The following CTU2 variants were observed in gnomAD, a reference collection of about 807,000 sequenced individuals.
CTU2 encodes cytosolic thiouridylase subunit 2.
A neutral mutation model predicts 64.1 loss-of-function variants in CTU2; 80 were observed. That is an observed-to-expected ratio of 1.25 (90% CI 1.04 to 1.50). The LOEUF is 1.50. CTU2 is among the 40% of genes most tolerant of loss of function. The pLI is 0.00. For missense variants in CTU2, 1,110 were observed against 690.2 expected (o/e 1.61, Z -6.81); for synonymous variants, 482 against 285.3 (o/e 1.69, Z -6.95).
At position 88,714,946 on chromosome 16, in the gene CTU2, T is replaced by C; in HGVS notation, c.1419+20T>C. Reference sequence around the variant, plus strand: ...GACTTGGTGAGTACGTGCCCACCTGTCCTGGGCCGGGCTTGGGGACGCGGG... The same window carrying C: ...GACTTGGTGAGTACGTGCCCACCTGCCCTGGGCCGGGCTTGGGGACGCGGG... On this transcript the variant is annotated intron_variant, in intron 13 of 14. Transcript: ENST00000453996. 6.2e-7 allele frequency: 1 copy of C among 1,610,998 alleles called. No individual in the cohort carries two copies. Among genetic ancestry groups the C allele is most frequent in the Non-Finnish European group, 8.5e-7 (1 of 1,178,860 alleles).
rs760149102 is a variant in CTU2, at chr16:88,712,040, C to T, written c.344-234C>T. 32 of 666,690 alleles carry T rather than the reference C, an allele frequency of 4.8e-5. No homozygotes were observed. In the African/African-American group the frequency reaches 5.2e-4, roughly 11 times the overall value. 41.3% of individuals were successfully genotyped at this position (666,690 alleles called of 1,614,324 possible). A position where few individuals can be genotyped will look rare whatever the true frequency, so the allele number is the denominator to read the frequency against. ...GTGAGCGGGGGCCCAGGGGCCGACT[C>T]CCCGACCCTTGCTCCTGCAGAACGA... On this transcript the variant is annotated intron_variant, in intron 5 of 14. Transcript: ENST00000453996.
Position 88,715,297 on chromosome 16 carries a change from A to G in CTU2, c.*46A>G. 6.3e-7 allele frequency: 1 copy of G among 1,590,800 alleles called. No individual in the cohort carries two copies. Among genetic ancestry groups the G allele is most frequent in the South Asian group, 1.1e-5 (1 of 89,922 alleles). ...GGACAGCAGGCAGTGGCCACCTGGT[A>G]CACCACACTGGAGCCGGAAGGCAAG... is the stretch of plus-strand genomic sequence containing the variant. On this transcript the variant is annotated 3_prime_UTR_variant, in exon 15 of 15. Coordinates refer to ENST00000453996, the MANE Select transcript of CTU2 (RefSeq NM_001012759.3).
At chr16:88,706,651 T>C in intron 1 of CTU2, 53 bp downstream of exon 1, 1 of 1,287,366 alleles carries the variant, frequency 7.8e-7, no homozygotes. Flanking sequence ...CCCGCCGCAC[T>C]CCTGCCCCGA....
At chr16:88,710,415 G>T in intron 4 of CTU2, 133 bp downstream of exon 4, 1 of 860,358 alleles carries the variant, frequency 1.2e-6, no homozygotes, top group Non-Finnish European at 1.8e-6. Flanking sequence ...ACACTTGGGG[G>T]GTTCTCAGAT....
chr16:88,710,181 G>T lies in CTU2; in HGVS notation c.223-42G>T, dbSNP rs527527613. On this transcript the variant is annotated intron_variant, in intron 3 of 14. Coordinates refer to ENST00000453996, the MANE Select transcript of CTU2 (RefSeq NM_001012759.3). ...TCCACGAGGTGGGGTGTCTGCCTGTGTTGGAGGTGCGGTGCCCTGAGTGAT... is the reference window on the plus strand; with the variant it reads ...TCCACGAGGTGGGGTGTCTGCCTGTTTTGGAGGTGCGGTGCCCTGAGTGAT... 4.9e-5 allele frequency: 79 copies of T among 1,612,208 alleles called. 1 individual carries two copies. In the South Asian group the frequency reaches 7.9e-4, roughly 16 times the overall value.
At chr16:88,713,235 G>T in intron 7 of CTU2, 77 bp from the exon 8 acceptor site, 1 of 810,402 alleles carries the variant, frequency 1.2e-6, no homozygotes, top group Middle Eastern at 3.9e-4. Context: ...CCCGGGCCCT[G>T]ACCCCCACTC....
rs745811284 is a variant in CTU2, at chr16:88,714,514, GC to G, written c.1201+29del. The G allele has an allele frequency of 1.9e-6, 3 of 1,612,400 alleles. No individual in the cohort carries two copies. In the East Asian group the frequency reaches 6.7e-5, roughly 36 times the overall value. Reference sequence around the variant, plus strand: ...CTGTGTTTCATGCTCTTGGGGTGATGCGGGGAGGGAGCCAGGGAGTGGGTGT... The same window carrying G: ...CTGTGTTTCATGCTCTTGGGGTGATGGGGGAGGGAGCCAGGGAGTGGGTGT... On this transcript the variant is annotated intron_variant, in intron 11 of 14. Transcript: ENST00000453996.
chr16:88,714,995 T>G (rs1245226222), intron 13 of CTU2, 53 bp from the exon 14 acceptor site: 3 of 1,596,766 alleles, frequency 1.9e-6, no homozygotes, highest in South Asian at 2.2e-5. Context: ...CGTGGGTGGC[T>G]TGAGGGGGTG....
chr16:88,714,320 C>T (rs1319553011), intron 10 of CTU2, 63 bp from the exon 11 acceptor site: 23 of 1,601,648 alleles, frequency 1.4e-5, no homozygotes, highest in East Asian at 1.1e-4. Flanking sequence ...GTGCTCAGGC[C>T]AGGGCTTAGG....
At chr16:88,713,911 C>T (rs1268164683) in intron 9 of CTU2, 133 bp downstream of exon 9, 1 of 1,307,396 alleles carries the variant, frequency 7.6e-7, no homozygotes, top group Non-Finnish European at 1.1e-6. Context: ...AGCAGTGCTG[C>T]ATCCTCTGAG....
rs1479585672 is a variant in CTU2 at position 88,714,604 on chromosome 16, G to A, written c.1219G>A (p.Gly407Arg). The change falls in exon 12 of 15, where the codon GGG becomes AGG. Residue 407 changes from glycine to arginine, a missense_variant. Gly to Arg is a moderately radical substitution (Grantham distance 125). Transcript: ENST00000453996. ...VDAADSATAF[G>R]AQTSSRLSQM... ...GCTTGCAGACAGTGCCACGGCTTTT[G>A]GGGCTCAGACCTCCTCGCGTCTCTC... The A allele has an allele frequency of 1.2e-6, 2 of 1,612,610 alleles. No individual in the cohort carries two copies. The highest frequency in any genetic ancestry group is 1.1e-5 in the South Asian group (1 of 91,088).
Position 88,710,297 on chromosome 16 carries a change from C to T in CTU2, c.282+15C>T, listed in dbSNP as rs1038263056. The T allele has an allele frequency of 1.2e-5, 19 of 1,613,610 alleles. No homozygotes were observed. In the Admixed American group the frequency reaches 2.0e-4, roughly 17 times the overall value. ...AGGTTCTTGAGGTGCGTGTTCACCA[C>T]CCCGTGGGCCCGGGCTGCTGGGCTG... On this transcript the variant is annotated intron_variant, in intron 4 of 14. Transcript: ENST00000453996.
At chr16:88,709,665 G>C (rs562324091) in intron 2 of CTU2, 31 of 480,272 alleles carry the variant, frequency 6.5e-5, no homozygotes, top group Middle Eastern at 1.1e-3. Flanking sequence ...GGGTGCCGGG[G>C]CTCTGCCCTC....
rs775843619 is a variant in CTU2, at chr16:88,712,841, C to T, written c.673C>T (p.Leu225Phe). Reference protein sequence around the residue: ...RPPAPAQTEALSQLFCSVRTL... With the variant: ...RPPAPAQTEAFSQLFCSVRTL... The stretch of plus-strand genomic sequence containing the variant: ...GCCTGCCCCTGCCCAGACTGAGGCT[C>T]TTTCCCAACTGTTCTGCTCAGTGAG... Residue 225 changes from leucine to phenylalanine, a missense_variant, in exon 7 of 15, where the codon CTT (leucine) becomes TTT (phenylalanine). Physicochemically the swap from Leu to Phe is conservative, Grantham distance 22. Coordinates refer to ENST00000453996, the MANE Select transcript of CTU2 (RefSeq NM_001012759.3). 1.1e-5 allele frequency: 17 copies of T among 1,587,038 alleles called. No homozygotes were observed. The highest frequency in any genetic ancestry group is 5.7e-5 in the South Asian group (5 of 87,230).
intron 9 of CTU2, 63 bp from the exon 10 acceptor site, chr16:88,714,073 C>A: frequency 6.6e-7 from 1 of 1,516,374 alleles, no homozygotes; most frequent in Non-Finnish European, 9.1e-7. Flanking sequence ...GTCCTGGGGA[C>A]TCTGCCCCAG....
Position 88,712,849 on chromosome 16 carries a change from A to T in CTU2, c.681A>T (p.Gln227His). ...PAPAQTEALSQLFCSVRTLTA... is the reference protein window; with the variant it reads ...PAPAQTEALSHLFCSVRTLTA... ...CTGCCCAGACTGAGGCTCTTTCCCAACTGTTCTGCTCAGTGAGGACACTGA... is the reference window on the plus strand; with the variant it reads ...CTGCCCAGACTGAGGCTCTTTCCCATCTGTTCTGCTCAGTGAGGACACTGA... The change falls in exon 7 of 15, where the codon CAA (glutamine) becomes CAT (histidine). Residue 227 changes from glutamine to histidine, a missense_variant. By Grantham distance (24) the Gln-to-His change is conservative. Coordinates refer to ENST00000453996, the MANE Select transcript of CTU2 (RefSeq NM_001012759.3). 1 of 1,581,268 alleles carries T rather than the reference A, an allele frequency of 6.3e-7. No individual in the cohort carries two copies. The highest frequency in any genetic ancestry group is 8.6e-7 in the Non-Finnish European group (1 of 1,164,572).
In CTU2 at chr16:88,714,378, C is replaced by T. The variant is rs1177114513; in HGVS notation, c.1098-5C>T. 3 of 1,612,340 alleles carry T rather than the reference C, an allele frequency of 1.9e-6. No individual in the cohort carries two copies. The highest frequency in any genetic ancestry group is 1.1e-5 in the South Asian group (1 of 91,064). The stretch of plus-strand genomic sequence containing the variant: ...TCACCTGCTCCTCCCACAATCCGGC[C>T]ACAGGACAAGTGAGAAGCTGGTGAA... On this transcript the variant is annotated splice_region_variant and splice_polypyrimidine_tract_variant and intron_variant, in intron 10 of 14. Transcript: ENST00000453996.
At chr16:88,707,722 T>C (rs749380646) in intron 2 of CTU2, among the ~76,000 whole-genome samples, 2 of 152,258 alleles carry the variant, frequency 1.3e-5, no homozygotes, top group South Asian at 2.1e-4. Context: ...TCCACTAGAC[T>C]CATAGCTCCC....
In CTU2 at chr16:88,715,196, A is replaced by G. The variant is rs1464881166; in HGVS notation, c.1493A>G (p.Gln498Arg). The G allele has an allele frequency of 1.2e-6, 2 of 1,612,302 alleles. No individual in the cohort carries two copies. The highest frequency in any genetic ancestry group is 1.3e-5 in the African/African-American group (1 of 74,874). The change falls in exon 15 of 15, where the codon CAG becomes CGG. Residue 498 changes from glutamine (Q) to arginine (R), a missense_variant. Physicochemically the swap from Gln to Arg is conservative, Grantham distance 43. Coordinates refer to ENST00000453996, the MANE Select transcript of CTU2 (RefSeq NM_001012759.3). The stretch of plus-strand genomic sequence containing the variant: ...TTTCTCTCTAGGGCCTGGGGCTTGC[A>G]GGAGATCCGGGACTGTCTGATTGAG... ...QLRTQRAWGL[Q>R]EIRDCLIEDS...
Sources: gnomAD v4.1 joint callset for allele counts (sites outside exome capture counted in the v4.1 genomes callset) on GRCh38, gnomAD v4.1.1 for gene constraint, MANE v1.5 for transcripts, NCBI Gene and HGNC (gene_info 2026-07-23, HGNC 2026-07-21) for gene names.